The following VPS53 variants were observed in gnomAD, a reference collection of about 807,000 sequenced individuals.
The protein encoded by VPS53 is vacuolar protein sorting-associated protein 53 homolog.
Under a neutral mutation model 107.0 loss-of-function variants are expected in VPS53, and 70 were observed. That is an observed-to-expected ratio of 0.65 (90% CI 0.54 to 0.80). The LOEUF (loss-of-function observed/expected upper bound fraction) is 0.80. Among genes scored for constraint, VPS53 ranks in the 30% least tolerant of loss-of-function variants. The pLI is 0.00. For synonymous variants in VPS53, 409 were observed against 393.3 expected, an observed-to-expected ratio of 1.04 and a Z score of -0.47; for missense variants, 917 against 1,049.4, an observed-to-expected ratio of 0.87 and a Z score of 1.74.
intron 12 of VPS53, among the ~76,000 whole-genome samples, chr17:590,061 G>A (rs1967557100): frequency 6.6e-6 from 1 of 152,110 alleles, no homozygotes; most frequent in Admixed American, 6.6e-5. Context: ...ACTGAGCAGT[G>A]GTTCGTAGTT....
At position 698,203 on chromosome 17, in the gene VPS53, C is replaced by G. The variant is rs145472846; in HGVS notation, c.219-719G>C. Among the ~76,000 whole-genome samples, 435 of 152,282 alleles carry G rather than the reference C, an allele frequency of 2.9e-3. 2 individuals carry two copies. The highest frequency in any genetic ancestry group is 0.01 in the African/African-American group (419 of 41,562). On this transcript the variant is annotated intron_variant, in intron 3 of 21. Transcript: ENST00000437048. ...ATCCTAGCACTTTGGGAGGCCAAGGCAGGCAGATCACTTGAGGCTAGGAGT... is the reference window on the plus strand; with the variant it reads ...ATCCTAGCACTTTGGGAGGCCAAGGGAGGCAGATCACTTGAGGCTAGGAGT...
intron 8 of VPS53, among the ~76,000 whole-genome samples, chr17:629,817 A>C (rs2143130109): frequency 1.5e-5 from 2 of 130,772 alleles, no homozygotes; most frequent in African/African-American, 5.1e-5. Flanking sequence ...AACCACACAC[A>C]CACACACACA....
chr17:654,903 C>A (rs544504212), intron 6 of VPS53, among the ~76,000 whole-genome samples: 34 of 152,278 alleles, frequency 2.2e-4, no homozygotes, highest in Non-Finnish European at 2.6e-4. Flanking sequence ...CACGAAGGAA[C>A]AAATGTGACC....
intron 17 of VPS53, among the ~76,000 whole-genome samples, chr17:549,187 G>A (rs544258152): frequency 4.1e-4 from 62 of 152,276 alleles, no homozygotes; most frequent in African/African-American, 1.3e-3. Context: ...TAGAATCAGA[G>A]ACAGAAATAA....
At chr17:647,438 T>C (rs528693971) in intron 7 of VPS53, among the ~76,000 whole-genome samples, 2 of 152,196 alleles carry the variant, frequency 1.3e-5, no homozygotes, top group Non-Finnish European at 2.9e-5. Context: ...AGAGTAAATA[T>C]CTATCATGCA....
At position 656,906 on chromosome 17, in the gene VPS53, G is replaced by A. The variant is rs567322041; in HGVS notation, c.373-953C>T. ...CCATCGTTTGTTGCCCTTGCCAATA[G>A]TGAAAATGTTGGAAACTTGAGTGCC... On this transcript the variant is annotated intron_variant, in intron 5 of 21. Coordinates refer to ENST00000437048, the MANE Select transcript of VPS53 (RefSeq NM_001128159.3). 80 of 1,487,412 alleles carry A rather than the reference G, an allele frequency of 5.4e-5. No homozygotes were observed. The East Asian group carries it at 1.8e-3, about 33-fold the overall frequency. 92.1% of individuals were successfully genotyped at this position (1,487,412 alleles called of 1,614,324 possible).
At chr17:666,100 T>A (rs1971670991) in intron 4 of VPS53, among the ~76,000 whole-genome samples, 1 of 152,214 alleles carries the variant, frequency 6.6e-6, no homozygotes. Context: ...GGTTGGGATT[T>A]AAATTCAGAA....
At chr17:696,196 T>A (rs1972953422) in intron 4 of VPS53, among the ~76,000 whole-genome samples, 2 of 152,154 alleles carry the variant, frequency 1.3e-5, no homozygotes, top group Non-Finnish European at 2.9e-5. Flanking sequence ...GGAAACTGGC[T>A]ATCAAATGGA....
chr17:579,724 C>T (rs554005443), intron 13 of VPS53, among the ~76,000 whole-genome samples: 1 of 151,750 alleles, frequency 6.6e-6, no homozygotes, highest in Non-Finnish European at 1.5e-5. Flanking sequence ...CTAATGCGTT[C>T]TCAGAGAACC....
chr17:524,680 A>G lies in VPS53; in HGVS notation c.2086-2942T>C, dbSNP rs557075853. ...CAAATTAAAACCACAGATGTACACC[A>G]TAATACATCCATCAGAGTCAGAAGT... On this transcript the variant is annotated intron_variant, in intron 19 of 21. Transcript: ENST00000437048. The surrounding 1 kb of genome is among the most constrained non-coding windows in gnomAD (Gnocchi z 4.5). Among the ~76,000 whole-genome samples, 10 of 152,274 alleles carry G rather than the reference A, an allele frequency of 6.6e-5. No homozygotes were observed. The highest frequency in any genetic ancestry group is 1.3e-4 in the Non-Finnish European group (9 of 68,040).
chr17:613,739 G>C (rs1969006697), intron 11 of VPS53, among the ~76,000 whole-genome samples: 1 of 151,110 alleles, frequency 6.6e-6, no homozygotes, highest in Non-Finnish European at 1.5e-5. Flanking sequence ...AACCTGTACA[G>C]ATATTCATAG....
At chr17:534,952 G>A (rs963494286) in intron 18 of VPS53, among the ~76,000 whole-genome samples, 20 of 150,838 alleles carry the variant, frequency 1.3e-4, no homozygotes, top group Non-Finnish European at 3.0e-5. Flanking sequence ...CTGTGCCCCT[G>A]AACTGGCTCT....
At chr17:706,707 G>C (rs7221210) in intron 2 of VPS53, among the ~76,000 whole-genome samples, 3 of 152,154 alleles carry the variant, frequency 2.0e-5, no homozygotes, top group African/African-American at 7.2e-5. Flanking sequence ...GGTAGAGTGG[G>C]TGTTTTTTTA....
intron 5 of VPS53, chr17:656,693 C>A: frequency 1.8e-6 from 1 of 567,116 alleles, no homozygotes; most frequent in Non-Finnish European, 3.0e-6. Context: ...TCCATGCTGA[C>A]TAAGAAATGT....
intron 4 of VPS53, chr17:685,177 G>C (rs537333383): frequency 1.3e-5 from 2 of 152,298 alleles, no homozygotes; most frequent in South Asian, 4.1e-4. Context: ...CTGAGAGCCA[G>C]GAAGGGAAGA....
intron 12 of VPS53, among the ~76,000 whole-genome samples, chr17:587,422 T>C (rs1229957952): frequency 1.3e-5 from 2 of 152,202 alleles, no homozygotes; most frequent in African/African-American, 4.8e-5. Flanking sequence ...ATATAGGCAG[T>C]ACTTTCTAAG....
chr17:534,652 T>G (rs760578862), intron 18 of VPS53, among the ~76,000 whole-genome samples: 22 of 152,174 alleles, frequency 1.4e-4, no homozygotes, highest in Non-Finnish European at 2.8e-4. Flanking sequence ...GCATGGCAGC[T>G]CATGCCTATA....
rs993505876 is a variant in VPS53, at chr17:520,371, G to C, written c.2224-441C>G. 2.6e-5 allele frequency among the ~76,000 whole-genome samples: 4 copies of C among 152,166 alleles called. No homozygotes were observed. Among genetic ancestry groups the C allele is most frequent in the Non-Finnish European group, 4.4e-5 (3 of 68,038 alleles). On this transcript the variant is annotated intron_variant, in intron 20 of 21. Transcript: ENST00000437048. This position sits in a 1 kb window ranked among gnomAD's most constrained non-coding sequence, Gnocchi z 4.4. ...GGCATTTCACCAGTACACGGTACTT[G>C]CTCCTTCTGCCTTGACGTACTATGA...
At chr17:650,506 A>G (rs1970899412) in intron 7 of VPS53, among the ~76,000 whole-genome samples, 1 of 152,182 alleles carries the variant, frequency 6.6e-6, no homozygotes. Flanking sequence ...CAAAAAAACA[A>G]AACAAAACAC....
Sources: allele counts gnomAD v4.1 joint callset (sites outside exome capture counted in the v4.1 genomes callset), GRCh38; gene constraint gnomAD v4.1.1; non-coding constraint Gnocchi (gnomAD v3.1); transcripts MANE v1.5; gene names NCBI Gene and HGNC (gene_info 2026-07-23, HGNC 2026-07-21).